DAB2IP: variants seen among roughly 807,000 people sequenced by gnomAD.
DAB2IP encodes disabled homolog 2-interacting protein.
DAB2IP carries 28 observed loss-of-function variants against 107.2 expected under a neutral mutation model. That is an observed-to-expected ratio of 0.26 (90% CI 0.19 to 0.36). The LOEUF (loss-of-function observed/expected upper bound fraction) is 0.36. Ranked by LOEUF, DAB2IP falls within the 10% of genes least tolerant of loss-of-function variation. The probability of loss-of-function intolerance (pLI) is 1.00; values close to 1 mark genes in which losing one functional copy is unlikely to be tolerated. For missense variants in DAB2IP, 1,400 were observed against 1,644.7 expected (o/e 0.85, Z 2.57); for synonymous variants, 755 against 706.4 (o/e 1.07, Z -1.09).
Position 121,699,571 on chromosome 9 carries a change from G to GA in DAB2IP, c.362+114dup, listed in dbSNP as rs888722560. 13 of 987,156 alleles carry GA rather than the reference G, an allele frequency of 1.3e-5. No individual in the cohort carries two copies. The highest frequency in any genetic ancestry group is 8.4e-4 in the Middle Eastern group (2 of 2,392). The allele number at this position is 987,156 out of a possible 1,614,324, so 61.1% of individuals were successfully genotyped here. On this transcript the variant is annotated intron_variant, in intron 3 of 15. Coordinates refer to ENST00000408936, the Ensembl canonical transcript of DAB2IP. The surrounding 1 kb of genome is among the most constrained non-coding windows in gnomAD (Gnocchi z 6.2). ...GGGGCGAGCCACACGGCGGTGGGGG[G>GA]ACCCCACGCCGCCCGCCGGGAACTT...
intron 2 of DAB2IP, among the ~76,000 whole-genome samples, chr9:121,682,966 A>C (rs1364726692): frequency 6.6e-6 from 1 of 151,940 alleles, no homozygotes; most frequent in African/African-American, 2.4e-5. Flanking sequence ...AGGATGGGGG[A>C]AGGGGCCTGG....
Position 121,651,609 on chromosome 9 carries a change from C to A in DAB2IP, c.-167C>A. ...CGGCTGCTCGGGGAGCGGGAGGGGG[C>A]AGGAGGCGGAGGAGGAGTTTGAGCG... On this transcript the variant is annotated 5_prime_UTR_variant, in exon 1 of 16. Coordinates refer to ENST00000408936, the Ensembl canonical transcript of DAB2IP. This position sits in a 1 kb window ranked among gnomAD's most constrained non-coding sequence, Gnocchi z 5.1. 1 of 1,009,540 alleles carries A rather than the reference C, an allele frequency of 9.9e-7. No homozygotes were observed. Among genetic ancestry groups the A allele is most frequent in the Non-Finnish European group, 1.2e-6 (1 of 837,208 alleles). The allele number at this position is 1,009,540 out of a possible 1,614,324, so 62.5% of individuals were successfully genotyped here.
At chr9:121,685,182 G>C (rs1589513141) in intron 2 of DAB2IP, among the ~76,000 whole-genome samples, 1 of 152,216 alleles carries the variant, frequency 6.6e-6, no homozygotes, top group Non-Finnish European at 1.5e-5. Flanking sequence ...CCTTCACGGA[G>C]GCTGATTGGT....
At chr9:121,642,184 A>G (rs917488449) in intron 1 of DAB2IP, among the ~76,000 whole-genome samples, 1 of 150,264 alleles carries the variant, frequency 6.7e-6, no homozygotes, top group Non-Finnish European at 1.5e-5. Context: ...TGGCTCAAGC[A>G]ATCCTCTCAC....
At chr9:121,747,400 T>C (rs933097172) in intron 3 of DAB2IP, among the ~76,000 whole-genome samples, 10 of 148,932 alleles carry the variant, frequency 6.7e-5, no homozygotes, top group Non-Finnish European at 1.5e-4. Context: ...CAGGCTGGAG[T>C]GCAGTGGCAC....
chr9:121,621,707 C>T (rs1203700953), intron 1 of DAB2IP, among the ~76,000 whole-genome samples: 1 of 148,076 alleles, frequency 6.8e-6, no homozygotes, highest in East Asian at 2.0e-4. Context: ...ACAATCTTGG[C>T]TCACTGCAAC....
At chr9:121,729,706 A>G (rs1831417597) in intron 3 of DAB2IP, among the ~76,000 whole-genome samples, 1 of 152,224 alleles carries the variant, frequency 6.6e-6, no homozygotes, top group Non-Finnish European at 1.5e-5. Flanking sequence ...GATGTAGCCC[A>G]CAAACAGGTC....
chr9:121,644,634 GAGAAA>G (rs984179315), intron 1 of DAB2IP, among the ~76,000 whole-genome samples: 1 of 151,998 alleles, frequency 6.6e-6, no homozygotes, highest in Non-Finnish European at 1.5e-5. Flanking sequence ...GAGAGAAAGA[GAGAAA>G]AGAAAAGAAA....
intron 1 of DAB2IP, among the ~76,000 whole-genome samples, chr9:121,608,238 T>C (rs1183720412): frequency 6.6e-6 from 1 of 152,176 alleles, no homozygotes; most frequent in East Asian, 1.9e-4. Flanking sequence ...CACTGCCCGC[T>C]TTATAAATGA....
chr9:121,729,131 T>C (rs1690865549), intron 3 of DAB2IP, among the ~76,000 whole-genome samples: 1 of 152,208 alleles, frequency 6.6e-6, no homozygotes, highest in Non-Finnish European at 1.5e-5. Flanking sequence ...AACACCTCTG[T>C]GTCCCAAAGA....
At chr9:121,591,586 G>T (rs1267756305) in intron 1 of DAB2IP, among the ~76,000 whole-genome samples, 1 of 152,210 alleles carries the variant, frequency 6.6e-6, no homozygotes, top group Non-Finnish European at 1.5e-5. Context: ...AAGTGAGGGT[G>T]ATATGATTGG....
chr9:121,715,069 A>T (rs1478823805), intron 3 of DAB2IP, among the ~76,000 whole-genome samples: 1 of 152,242 alleles, frequency 6.6e-6, no homozygotes, highest in Non-Finnish European at 1.5e-5. Flanking sequence ...CCAGATTTGA[A>T]CATGGGGAAC....
intron 3 of DAB2IP, among the ~76,000 whole-genome samples, chr9:121,742,169 T>G (rs541584801): frequency 6.6e-6 from 1 of 152,292 alleles, no homozygotes; most frequent in South Asian, 2.1e-4. Context: ...GGCTCATGCC[T>G]ATAATCCCAG....
chr9:121,649,462 A>G (rs545915051), upstream of DAB2IP, among the ~76,000 whole-genome samples: 1 of 103,122 alleles, frequency 9.7e-6, no homozygotes, highest in South Asian at 4.5e-4. Flanking sequence ...TGCCCACACC[A>G]CTGATAACAG....
chr9:121,607,469 A>AT (rs1830924692), intron 1 of DAB2IP, among the ~76,000 whole-genome samples: 1 of 151,710 alleles, frequency 6.6e-6, no homozygotes, highest in Non-Finnish European at 1.5e-5. Context: ...TGCCCAGCTA[A>AT]TTTTTTTATT....
chr9:121,776,079 T>G lies in DAB2IP; in HGVS notation c.3121-119T>G, dbSNP rs1835178534. The G allele has an allele frequency of 3.3e-6, 4 of 1,209,786 alleles. No homozygotes were observed. Among genetic ancestry groups the G allele is most frequent in the Admixed American group, 2.5e-5 (1 of 39,468 alleles). 74.9% of individuals were successfully genotyped at this position (1,209,786 alleles called of 1,614,324 possible). A position where few individuals can be genotyped will look rare whatever the true frequency, so the allele number is the denominator to read the frequency against. On this transcript the variant is annotated intron_variant, in intron 13 of 15. Coordinates refer to ENST00000408936, the Ensembl canonical transcript of DAB2IP. The surrounding 1 kb of genome is among the most constrained non-coding windows in gnomAD (Gnocchi z 5.4). ...CTCCTTGCTATGTGAAGTGGGCGGGTCACAGCCACTGGGGCCTTTCAAGTG... is the reference window on the plus strand; with the variant it reads ...CTCCTTGCTATGTGAAGTGGGCGGGGCACAGCCACTGGGGCCTTTCAAGTG...
At chr9:121,758,933 C>T in exon 5 of DAB2IP, 1 of 1,613,666 alleles carries the variant, frequency 6.2e-7, no homozygotes, top group Non-Finnish European at 8.5e-7. Flanking sequence ...GCTTTTCCTG[C>T]CGGTCTGCAG....
rs749458465 is a variant in DAB2IP, at chr9:121,610,292, T to C, written c.40+43064T>C. Among the ~76,000 whole-genome samples, 6 of 152,182 alleles carry C rather than the reference T, an allele frequency of 3.9e-5. No individual in the cohort carries two copies. The East Asian group carries it at 1.2e-3, about 29-fold the overall frequency. ...ATTGGCTGTGTGACCCTGAGTACGGTGCATGGCCTCTCTGGGCTGTAATGA... is the reference window on the plus strand; with the variant it reads ...ATTGGCTGTGTGACCCTGAGTACGGCGCATGGCCTCTCTGGGCTGTAATGA... On this transcript the variant is annotated intron_variant, in intron 1 of 16. Transcript: ENST00000259371.
chr9:121,755,709 C>CT (rs1833429216), intron 3 of DAB2IP, among the ~76,000 whole-genome samples: 1 of 152,178 alleles, frequency 6.6e-6, no homozygotes, highest in Admixed American at 6.5e-5. Flanking sequence ...AGGGCTCTTC[C>CT]TGCTCACCTC....
Sources: allele counts gnomAD v4.1 joint callset (sites outside exome capture counted in the v4.1 genomes callset), GRCh38; gene constraint gnomAD v4.1.1; non-coding constraint Gnocchi (gnomAD v3.1); transcripts MANE v1.5; gene names NCBI Gene and HGNC (gene_info 2026-07-23, HGNC 2026-07-21).